CNTN4: variants seen among roughly 807,000 people sequenced by gnomAD.
CNTN4 encodes contactin-4.
CNTN4 carries 77 observed loss-of-function variants against 122.5 expected under a neutral mutation model. The ratio of observed to expected loss-of-function variants is 0.63; its 90% CI spans 0.52 to 0.76. CNTN4 has a LOEUF of 0.76. Ranked by LOEUF, CNTN4 falls within the 30% of genes least tolerant of loss-of-function variation. The pLI is 0.00. For synonymous variants in CNTN4, 512 were observed against 447.0 expected, an observed-to-expected ratio of 1.15 and a Z score of -1.83; for missense variants, 1,256 against 1,259.1, an observed-to-expected ratio of 1.00 and a Z score of 0.04.
At chr3:2,606,487 G>T (rs1273320340) in intron 4 of CNTN4, among the ~76,000 whole-genome samples, 2 of 152,064 alleles carry the variant, frequency 1.3e-5, no homozygotes, top group Non-Finnish European at 2.9e-5. Context: ...ATGTATCCCG[G>T]AACTTAAAAT....
At chr3:2,641,970 A>C (rs1173777449) in intron 4 of CNTN4, among the ~76,000 whole-genome samples, 1 of 152,208 alleles carries the variant, frequency 6.6e-6, no homozygotes, top group Non-Finnish European at 1.5e-5. Flanking sequence ...TGGGGAAGAC[A>C]TCCTCCGTAT....
At chr3:2,583,292 A>G (rs909699180) in intron 4 of CNTN4, among the ~76,000 whole-genome samples, 5 of 152,208 alleles carry the variant, frequency 3.3e-5, no homozygotes, top group African/African-American at 1.2e-4. Context: ...ACAGATTGTC[A>G]AAGTTGTCTT....
intron 2 of CNTN4, among the ~76,000 whole-genome samples, chr3:2,181,789 A>G (rs1205100286): frequency 6.6e-6 from 1 of 152,174 alleles, no homozygotes; most frequent in East Asian, 1.9e-4. Context: ...TGAACAAAGT[A>G]GGGGCTAATG....
chr3:2,215,662 C>G lies in CNTN4; in HGVS notation c.-145+115023C>G, dbSNP rs903730967. ...CTTTGGGAGGCCGAGGCACGTGGATCATGAGGTCAGGAGATCGAGACCATG... is the reference window on the plus strand; with the variant it reads ...CTTTGGGAGGCCGAGGCACGTGGATGATGAGGTCAGGAGATCGAGACCATG... On this transcript the variant is annotated intron_variant, in intron 2 of 24. Coordinates refer to ENST00000418658, the MANE Select transcript of CNTN4 (RefSeq NM_175607.3). 2.6e-5 allele frequency among the ~76,000 whole-genome samples: 4 copies of G among 152,190 alleles called. No individual in the cohort carries two copies. The East Asian group carries it at 7.7e-4, about 29-fold the overall frequency.
In CNTN4 at chr3:3,006,979, A is replaced by G. The variant is rs187142202; in HGVS notation, c.1486+18507A>G. ...CTCCACTACCATTTATCCAAGAGCA[A>G]TGTCTCCAAGTGCTTAACTGTGTGT... is the stretch of plus-strand genomic sequence containing the variant. On this transcript the variant is annotated intron_variant, in intron 14 of 24. Coordinates refer to ENST00000418658, the MANE Select transcript of CNTN4 (RefSeq NM_175607.3). 1.0e-3 allele frequency among the ~76,000 whole-genome samples: 158 copies of G among 152,294 alleles called. 1 individual carries two copies. The highest frequency in any genetic ancestry group is 3.5e-3 in the African/African-American group (146 of 41,554).
At chr3:2,164,846 G>A (rs76428962) in intron 2 of CNTN4, among the ~76,000 whole-genome samples, 4,323 of 152,144 alleles carry the variant, frequency 0.028, 93 homozygotes, top group African/African-American at 0.059. Flanking sequence ...TTCTGCAAAT[G>A]TACTGTTTAA....
intron 6 of CNTN4, among the ~76,000 whole-genome samples, chr3:2,819,133 A>C (rs190538455): frequency 6.6e-6 from 1 of 152,186 alleles, no homozygotes; most frequent in African/African-American, 2.4e-5. Flanking sequence ...GGCATGATGG[A>C]AGTCTTCTGT....
chr3:2,426,763 A>G (rs2047852791), intron 3 of CNTN4, among the ~76,000 whole-genome samples: 1 of 152,130 alleles, frequency 6.6e-6, no homozygotes, highest in South Asian at 2.1e-4. Flanking sequence ...TTATTGGTCT[A>G]TTCAGGGATT....
chr3:2,480,744 T>G (rs1212343507), intron 3 of CNTN4, among the ~76,000 whole-genome samples: 3 of 152,234 alleles, frequency 2.0e-5, no homozygotes, highest in Non-Finnish European at 4.4e-5. Flanking sequence ...TTTGTGGATA[T>G]GTACTTATTG....
intron 3 of CNTN4, among the ~76,000 whole-genome samples, chr3:2,348,009 T>C (rs1210712192): frequency 1.3e-5 from 2 of 152,206 alleles, no homozygotes; most frequent in Admixed American, 6.5e-5. Flanking sequence ...AACTGAATTT[T>C]TTCATGGTAG....
At chr3:2,909,438 T>C (rs1241519981) in intron 12 of CNTN4, among the ~76,000 whole-genome samples, 2 of 151,864 alleles carry the variant, frequency 1.3e-5, no homozygotes, top group African/African-American at 4.8e-5. Flanking sequence ...TTTTTTTTTC[T>C]CTTAGTATCC....
chr3:2,627,700 A>G (rs189413828), intron 4 of CNTN4, among the ~76,000 whole-genome samples: 191 of 151,944 alleles, frequency 1.3e-3, no homozygotes, highest in African/African-American at 3.5e-3. Flanking sequence ...TCACCGTGTT[A>G]GCCAGGATGG....
intron 3 of CNTN4, among the ~76,000 whole-genome samples, chr3:2,476,925 G>C (rs1240167464): frequency 6.6e-6 from 1 of 152,032 alleles, no homozygotes; most frequent in African/African-American, 2.4e-5. Flanking sequence ...ATGTGCTATA[G>C]GACCCTGTAT....
chr3:2,476,677 A>G (rs1249521739), intron 3 of CNTN4, among the ~76,000 whole-genome samples: 2 of 152,170 alleles, frequency 1.3e-5, no homozygotes, highest in African/African-American at 4.8e-5. Context: ...TTGACTGCAG[A>G]GGGTCCTGAG....
chr3:2,228,029 A>AT (rs2039349920), intron 2 of CNTN4, among the ~76,000 whole-genome samples: 2 of 151,828 alleles, frequency 1.3e-5, no homozygotes, highest in East Asian at 3.9e-4. Context: ...CAAAATGTTT[A>AT]TTTTTTCCAA....
intron 13 of CNTN4, among the ~76,000 whole-genome samples, 188 bp from the exon 14 acceptor site, chr3:2,988,157 G>T (rs1694747944): frequency 6.6e-6 from 1 of 152,076 alleles, no homozygotes; most frequent in African/African-American, 2.4e-5. Flanking sequence ...CACTAAACAA[G>T]TCACATGTCT....
At chr3:2,120,405 A>ATATATTT (rs1428527983) in intron 2 of CNTN4, among the ~76,000 whole-genome samples, 20 of 40,844 alleles carry the variant, frequency 4.9e-4, no homozygotes, top group East Asian at 1.5e-3. Context: ...ATATATATAT[A>ATATATTT]TTTTTTTTTT....
chr3:2,755,816 C>G (rs554956301), intron 6 of CNTN4, among the ~76,000 whole-genome samples: 1 of 152,016 alleles, frequency 6.6e-6, no homozygotes, highest in African/African-American at 2.4e-5. Flanking sequence ...GGGATCCAAG[C>G]AAGATTCATC....
intron 12 of CNTN4, among the ~76,000 whole-genome samples, chr3:2,918,815 T>C (rs1208564617): frequency 6.6e-6 from 1 of 152,154 alleles, no homozygotes; most frequent in Non-Finnish European, 1.5e-5. Flanking sequence ...TCATGTCCTG[T>C]ACACAGGACT....
Sources: gnomAD v4.1 joint callset for allele counts (sites outside exome capture counted in the v4.1 genomes callset) on GRCh38, gnomAD v4.1.1 for gene constraint, MANE v1.5 for transcripts, NCBI Gene and HGNC (gene_info 2026-07-23, HGNC 2026-07-21) for gene names.